Variants in CFAP46 observed in about 807,000 individuals in gnomAD.
CFAP46 encodes cilia- and flagella-associated protein 46.
CFAP46 carries 245 observed loss-of-function variants against 325.7 expected under a neutral mutation model. The observed-to-expected ratio is 0.75, with a 90% CI of 0.68 to 0.84. CFAP46 has a LOEUF of 0.84. Among genes scored for constraint, CFAP46 ranks in the 40% least tolerant of loss-of-function variants. CFAP46 has a pLI of 0.00. For synonymous variants in CFAP46, 1,523 were observed against 1,495.9 expected, an observed-to-expected ratio of 1.02 and a Z score of -0.42; for missense variants, 3,346 against 3,543.0, an observed-to-expected ratio of 0.94 and a Z score of 1.41.
chr10:132,915,903 C>T (rs917191159), intron 17 of CFAP46, among the ~76,000 whole-genome samples: 123 of 152,208 alleles, frequency 8.1e-4, no homozygotes, highest in Admixed American at 5.6e-3. Context: ...ACCCCAAAAA[C>T]GGTAAAATTC....
intron 28 of CFAP46, among the ~76,000 whole-genome samples, chr10:132,880,245 C>A (rs918097596): frequency 2.6e-5 from 4 of 152,232 alleles, no homozygotes; most frequent in Admixed American, 6.5e-5. Flanking sequence ...AGAGTTTCTG[C>A]CCCGGGTCAC....
Position 132,836,693 on chromosome 10 carries a change from G to A in CFAP46, c.6536+124C>T, listed in dbSNP as rs1205593761. The A allele has an allele frequency of 2.3e-5, 19 of 817,122 alleles. No individual in the cohort carries two copies. In the East Asian group the frequency reaches 3.2e-4, roughly 14 times the overall value. 50.6% of individuals were successfully genotyped at this position (817,122 alleles called of 1,614,324 possible). ...GGCACCTTCTTGGGACTGTCCGGGCGTTTCCCGAGTCCCAGGCCTCCCTGG... is the reference window on the plus strand; with the variant it reads ...GGCACCTTCTTGGGACTGTCCGGGCATTTCCCGAGTCCCAGGCCTCCCTGG... On this transcript the variant is annotated intron_variant, in intron 45 of 57. Transcript: ENST00000368586.
chr10:132,912,565 C>CT (rs776733636), intron 19 of CFAP46, 90 bp downstream of exon 19: 1,137 of 1,011,472 alleles, frequency 1.1e-3, no homozygotes, highest in Middle Eastern at 1.5e-3. Context: ...TCACCTCTCT[C>CT]CTCTTTCACC....
chr10:132,825,884 C>A (rs570610991), intron 50 of CFAP46, among the ~76,000 whole-genome samples: 1 of 152,254 alleles, frequency 6.6e-6, no homozygotes, highest in South Asian at 2.1e-4. Context: ...CACACCAGGA[C>A]ATGCAGACAG....
chr10:132,829,312 T>C (rs967732720), intron 50 of CFAP46, among the ~76,000 whole-genome samples: 6 of 152,234 alleles, frequency 3.9e-5, no homozygotes, highest in African/African-American at 1.4e-4. Flanking sequence ...TTTCCTGGCT[T>C]GGAAGCTATT....
At position 132,884,525 on chromosome 10, in the gene CFAP46, A is replaced by G. The variant is rs1215892851; in HGVS notation, c.3627+578T>C. On this transcript the variant is annotated intron_variant, in intron 27 of 57. Coordinates refer to ENST00000368586, the MANE Select transcript of CFAP46 (RefSeq NM_001200049.3). The surrounding 1 kb of genome is among the most constrained non-coding windows in gnomAD (Gnocchi z 5.4). ...GGCCTGGGATGCCTTTTCGTCCCCA[A>G]GATGAAGTTCTCAGGTGCATACCAC... is the stretch of plus-strand genomic sequence containing the variant. 1.3e-5 allele frequency among the ~76,000 whole-genome samples: 2 copies of G among 152,244 alleles called. No individual in the cohort carries two copies. The highest frequency in any genetic ancestry group is 2.4e-5 in the African/African-American group (1 of 41,550).
At chr10:132,925,788 G>T (rs566039630) in intron 10 of CFAP46, among the ~76,000 whole-genome samples, 1 of 152,362 alleles carries the variant, frequency 6.6e-6, no homozygotes, top group East Asian at 1.9e-4. Flanking sequence ...GGATGGATGC[G>T]TTAGGAGTGG....
chr10:132,836,621 G>A (rs12250585), intron 45 of CFAP46, among the ~76,000 whole-genome samples, 196 bp downstream of exon 45: 2,281 of 113,150 alleles, frequency 0.02, 51 homozygotes, highest in African/African-American at 0.077. Context: ...AGGGGTGTGT[G>A]GCGTCTCTGG....
intron 50 of CFAP46, among the ~76,000 whole-genome samples, chr10:132,821,366 T>TGAC (rs1170140586): frequency 7.3e-6 from 1 of 137,740 alleles, no homozygotes; most frequent in Non-Finnish European, 1.5e-5. Context: ...CTGTGTGTGC[T>TGAC]GTGTGCTGTG....
intron 45 of CFAP46, 128 bp downstream of exon 45, chr10:132,836,689 G>T: frequency 1.3e-6 from 1 of 790,662 alleles, no homozygotes. Flanking sequence ...GGGACTGTCC[G>T]GGCGTTTCCC....
chr10:132,821,748 T>G (rs1160388963), intron 50 of CFAP46, among the ~76,000 whole-genome samples: 5 of 130,412 alleles, frequency 3.8e-5, no homozygotes, highest in African/African-American at 1.5e-4. Flanking sequence ...TGTGCGCTGA[T>G]GTGTGCTGTG....
At position 132,832,846 on chromosome 10, in the gene CFAP46, TC is replaced by T. The variant is rs1848173358; in HGVS notation, c.7117+511del. The T allele has an allele frequency of 6.4e-6, 3 of 469,846 alleles. No homozygotes were observed. The highest frequency in any genetic ancestry group is 1.3e-5 in the Non-Finnish European group (3 of 226,234). The allele number at this position is 469,846 out of a possible 1,614,324, so 29.1% of individuals were successfully genotyped here. A position where few individuals can be genotyped will look rare whatever the true frequency, so the allele number is the denominator to read the frequency against. ...GGCTGGCTGTTTACTACACATCTGG[TC>T]CCCTCCTTTGAAACAGGTATTTGTG... On this transcript the variant is annotated intron_variant, in intron 50 of 57. Transcript: ENST00000368586. This position sits in a 1 kb window ranked among gnomAD's most constrained non-coding sequence, Gnocchi z 4.1.
intron 31 of CFAP46, 103 bp from the exon 32 acceptor site, chr10:132,872,927 A>ATGTCTGCACACAGCAGGTGCTCAGCGCG: frequency 1.6e-6 from 2 of 1,278,772 alleles, no homozygotes; most frequent in Non-Finnish European, 2.2e-6. Context: ...ATGCCAGCAC[A>ATGTCTGCACACAGCAGGTGCTCAGCGCG]TGTCTGCACA....
intron 55 of CFAP46, among the ~76,000 whole-genome samples, chr10:132,811,320 C>T (rs1847577883): frequency 6.6e-6 from 1 of 152,324 alleles, no homozygotes; most frequent in Admixed American, 6.5e-5. Flanking sequence ...GCCTCCTCTG[C>T]CCTGGAGGGC....
In CFAP46 at chr10:132,884,800, G is replaced by A. The variant is rs991024737; in HGVS notation, c.3627+303C>T. 1.3e-5 allele frequency among the ~76,000 whole-genome samples: 2 copies of A among 152,094 alleles called. No homozygotes were observed. Among genetic ancestry groups the A allele is most frequent in the Admixed American group, 6.5e-5 (1 of 15,290 alleles). On this transcript the variant is annotated intron_variant, in intron 27 of 57. Coordinates refer to ENST00000368586, the MANE Select transcript of CFAP46 (RefSeq NM_001200049.3). The surrounding 1 kb of genome is among the most constrained non-coding windows in gnomAD (Gnocchi z 5.4). ...CATCGGGGCCCTGGTGCCACCAGGG[G>A]AGCCTGGGCGCTTCCACTTGGGGCA...
At chr10:132,831,843 A>G (rs970635720) in intron 50 of CFAP46, among the ~76,000 whole-genome samples, 1 of 151,556 alleles carries the variant, frequency 6.6e-6, no homozygotes, top group Non-Finnish European at 1.5e-5. Flanking sequence ...GGGTATGTTT[A>G]TGATTCCATT....
In CFAP46 at chr10:132,941,636, G is replaced by A. The variant is rs1340091778; in HGVS notation, c.261C>T (p.His87=). 6.2e-7 allele frequency: 1 copy of A among 1,614,016 alleles called. No homozygotes were observed. Among genetic ancestry groups the A allele is most frequent in the Non-Finnish European group, 8.5e-7 (1 of 1,180,030 alleles). ...APITQFLGRA[H]LCRAQMCAPK... ...GGGCACACATCTGGGCCCTGCACAG[G>A]TGCGCTCGGCCCAGAAACTGGGTGA... Residue 87 remains histidine, a synonymous_variant, in exon 3 of 58, where the codon CAC becomes CAT. Coordinates refer to ENST00000368586, the MANE Select transcript of CFAP46 (RefSeq NM_001200049.3).
chr10:132,824,261 T>C (rs1847978568), intron 50 of CFAP46, among the ~76,000 whole-genome samples: 1 of 145,676 alleles, frequency 6.9e-6, no homozygotes, highest in African/African-American at 2.6e-5. Flanking sequence ...GTGTGCTGTG[T>C]GCTGATGTGT....
chr10:132,847,400 C>T lies in CFAP46; in HGVS notation c.5953-79G>A, dbSNP rs1289822555. 68 of 1,564,510 alleles carry T rather than the reference C, an allele frequency of 4.3e-5. No individual in the cohort carries two copies. The highest frequency in any genetic ancestry group is 5.4e-5 in the Non-Finnish European group (62 of 1,147,940). ...GTGGGGAGGGCCCACCCAGGGAGGC[C>T]GGGGTGGTCGGGCTCCTCAGCAGGG... is the stretch of plus-strand genomic sequence containing the variant. On this transcript the variant is annotated intron_variant, in intron 41 of 57. Coordinates refer to ENST00000368586, the MANE Select transcript of CFAP46 (RefSeq NM_001200049.3). The surrounding 1 kb of genome is among the most constrained non-coding windows in gnomAD (Gnocchi z 5.2).
Sources: gnomAD v4.1 joint callset for allele counts (sites outside exome capture counted in the v4.1 genomes callset) on GRCh38, gnomAD v4.1.1 for gene constraint, Gnocchi (gnomAD v3.1) non-coding constraint, MANE v1.5 for transcripts, NCBI Gene and HGNC (gene_info 2026-07-23, HGNC 2026-07-21) for gene names.